The following SUDS3 variants were observed in gnomAD, a reference collection of about 807,000 sequenced individuals.
SUDS3 encodes sin3 histone deacetylase corepressor complex component SDS3.
In SUDS3, 23 loss-of-function variants were observed where a neutral mutation model predicts 53.5. The ratio of observed to expected loss-of-function variants is 0.43; its 90% CI spans 0.31 to 0.61. SUDS3 has a LOEUF of 0.61. Ranked by LOEUF, SUDS3 falls within the 20% of genes least tolerant of loss-of-function variation. The pLI, the probability that SUDS3 is intolerant of heterozygous loss-of-function variation, is 0.10. For synonymous variants in SUDS3, 150 were observed against 148.5 expected (o/e 1.01, Z -0.08); for missense variants, 291 against 405.9 (o/e 0.72, Z 2.43).
chr12:118,403,005 G>T (rs2046277143), intron 9 of SUDS3, among the ~76,000 whole-genome samples: 1 of 152,150 alleles, frequency 6.6e-6, no homozygotes, highest in African/African-American at 2.4e-5. Context: ...TGATTCACCT[G>T]CCTCAGCCTC....
At chr12:118,399,872 T>C (rs899608402) in intron 6 of SUDS3, among the ~76,000 whole-genome samples, 3 of 152,014 alleles carry the variant, frequency 2.0e-5, no homozygotes, top group Admixed American at 6.6e-5. Context: ...TTCAGAGGGA[T>C]GTGTGGAGCT....
intron 4 of SUDS3, among the ~76,000 whole-genome samples, chr12:118,389,016 G>C (rs1221031898): frequency 6.6e-6 from 1 of 152,150 alleles, no homozygotes; most frequent in Non-Finnish European, 1.5e-5. Flanking sequence ...AGGTGTGGTG[G>C]TTTGCGCCTT....
At chr12:118,380,790 C>T (rs978702350) in intron 2 of SUDS3, among the ~76,000 whole-genome samples, 16 of 151,980 alleles carry the variant, frequency 1.1e-4, no homozygotes, top group Non-Finnish European at 1.9e-4. Context: ...CTGCAACCAC[C>T]GCCTTCCGGA....
At chr12:118,385,254 G>T (rs572287113) in intron 3 of SUDS3, among the ~76,000 whole-genome samples, 1 of 152,054 alleles carries the variant, frequency 6.6e-6, no homozygotes, top group Non-Finnish European at 1.5e-5. Context: ...GATTACAGAC[G>T]CCTGCCACCA....
At chr12:118,391,342 G>C (rs2046166444) in intron 6 of SUDS3, 60 bp downstream of exon 6, 14 of 1,525,606 alleles carry the variant, frequency 9.2e-6, no homozygotes, top group African/African-American at 2.8e-5. Flanking sequence ...GTGAAGGGCT[G>C]TTCCAGTTAC....
chr12:118,401,331 G>C (rs2046260959), intron 7 of SUDS3, among the ~76,000 whole-genome samples: 2 of 152,218 alleles, frequency 1.3e-5, no homozygotes, highest in Admixed American at 1.3e-4. Context: ...AGTCATTTGT[G>C]TACCATCAGG....
chr12:118,378,940 G>T (rs555232296), intron 1 of SUDS3, among the ~76,000 whole-genome samples: 1 of 152,102 alleles, frequency 6.6e-6, no homozygotes, highest in South Asian at 2.1e-4. Context: ...CTCCCAAAGT[G>T]CTGGGATTAC....
rs191290897 is a variant in SUDS3, at chr12:118,404,441, C to T, written c.803+924C>T. On this transcript the variant is annotated intron_variant, in intron 10 of 11. Transcript: ENST00000543473. ...GGTTTACATTGAAGACTCTTTGAAA[C>T]GTTCAGACCGCCTAGCATTTTTCAT... 5.0e-3 allele frequency: 756 copies of T among 152,288 alleles called. 1 individual carries two copies. Among genetic ancestry groups the T allele is most frequent in the Non-Finnish European group, 6.6e-3 (450 of 68,026 alleles). 9.4% of individuals were successfully genotyped at this position (152,288 alleles called of 1,614,324 possible).
chr12:118,397,816 T>C (rs948855685), intron 6 of SUDS3, among the ~76,000 whole-genome samples: 1 of 152,190 alleles, frequency 6.6e-6, no homozygotes, highest in African/African-American at 2.4e-5. Flanking sequence ...GTGGCCGTGA[T>C]TGGCCTTTAC....
At chr12:118,394,429 A>G (rs758528892) in intron 6 of SUDS3, among the ~76,000 whole-genome samples, 4 of 152,174 alleles carry the variant, frequency 2.6e-5, no homozygotes, top group African/African-American at 9.6e-5. Context: ...TGAGATAGAT[A>G]GTGGTTCAGC....
chr12:118,401,661 A>ATCATACTT (rs972800079), intron 7 of SUDS3, 98 bp from the exon 8 acceptor site: 2 of 1,044,560 alleles, frequency 1.9e-6, no homozygotes, highest in African/African-American at 3.2e-5. Flanking sequence ...ATTTAACAAA[A>ATCATACTT]TCATACTTTG....
chr12:118,401,655 A>G (rs2046263592), intron 7 of SUDS3, 104 bp from the exon 8 acceptor site: 12 of 984,954 alleles, frequency 1.2e-5, no homozygotes, highest in Non-Finnish European at 1.9e-5. Flanking sequence ...AACATCATTT[A>G]ACAAAATCAT....
At chr12:118,400,781 G>T (rs750185210) in intron 7 of SUDS3, 27 bp downstream of exon 7, 6 of 1,605,180 alleles carry the variant, frequency 3.7e-6, no homozygotes, top group Non-Finnish European at 5.1e-6. Context: ...AGCCTTAACC[G>T]CCTTTCTTTT....
chr12:118,409,681 C>G (rs886843848), intron 10 of SUDS3, among the ~76,000 whole-genome samples: 2 of 152,210 alleles, frequency 1.3e-5, no homozygotes, highest in African/African-American at 2.4e-5. Context: ...TAAATTTACA[C>G]GAGTTTATGG....
At chr12:118,391,392 G>T (rs2046166752) in intron 6 of SUDS3, 110 bp downstream of exon 6, 1 of 1,301,604 alleles carries the variant, frequency 7.7e-7, no homozygotes, top group African/African-American at 1.5e-5. Flanking sequence ...GGTGGAGAGT[G>T]GGTTTTGACC....
At chr12:118,389,512 A>ATT (rs574911562) in intron 4 of SUDS3, among the ~76,000 whole-genome samples, 15 of 136,164 alleles carry the variant, frequency 1.1e-4, no homozygotes, top group African/African-American at 1.9e-4. Flanking sequence ...TCAGGGCCAC[A>ATT]TTTTTTTTTT....
chr12:118,413,185 C>T (rs781401322), intron 11 of SUDS3, among the ~76,000 whole-genome samples: 11 of 152,182 alleles, frequency 7.2e-5, no homozygotes, highest in Non-Finnish European at 1.5e-5. Flanking sequence ...GCTGAATAAT[C>T]ACATTAAAGA....
In SUDS3 at chr12:118,391,324, G is replaced by A. The variant is rs150162609; in HGVS notation, c.517+42G>A. Reference sequence around the variant, plus strand: ...GGGTGGGATCTTGGGGGCCCTGAGCGGGGGGGTGTGAAGGGCTGTTCCAGT... The same window carrying A: ...GGGTGGGATCTTGGGGGCCCTGAGCAGGGGGGTGTGAAGGGCTGTTCCAGT... On this transcript the variant is annotated intron_variant, in intron 6 of 11. Transcript: ENST00000543473. 1.2e-3 allele frequency: 1,861 copies of A among 1,558,036 alleles called. 1 individual carries two copies. The highest frequency in any genetic ancestry group is 1.5e-3 in the Non-Finnish European group (1,737 of 1,156,198).
intron 6 of SUDS3, among the ~76,000 whole-genome samples, chr12:118,394,873 A>C (rs990850147): frequency 6.6e-6 from 1 of 151,960 alleles, no homozygotes; most frequent in Non-Finnish European, 1.5e-5. Context: ...TTTTGTAGAG[A>C]TAGGGTTTTG....
Sources: gnomAD v4.1 joint callset for allele counts (sites outside exome capture counted in the v4.1 genomes callset) on GRCh38, gnomAD v4.1.1 for gene constraint, MANE v1.5 for transcripts, NCBI Gene and HGNC (gene_info 2026-07-23, HGNC 2026-07-21) for gene names.